The following NEDD4L variants were observed in gnomAD, a reference collection of about 807,000 sequenced individuals.
The protein encoded by NEDD4L is NEDD4 like E3 ubiquitin protein ligase.
Under a neutral mutation model 148.9 loss-of-function variants are expected in NEDD4L, and 54 were observed. That is an observed-to-expected ratio of 0.36 (90% confidence interval 0.29 to 0.45). The LOEUF (loss-of-function observed/expected upper bound fraction) is 0.45. Ranked by LOEUF, NEDD4L falls within the 20% of genes least tolerant of loss-of-function variation. The pLI, the probability that NEDD4L is intolerant of heterozygous loss-of-function variation, is 1.00. For missense variants in NEDD4L, 856 were observed against 1,233.8 expected (o/e 0.69, Z 4.59); for synonymous variants, 433 against 440.7 (o/e 0.98, Z 0.22).
intron 10 of NEDD4L, 57 bp downstream of exon 10, chr18:58,329,184 A>G: frequency 6.4e-7 from 1 of 1,570,934 alleles, no homozygotes; most frequent in Non-Finnish European, 8.7e-7. Context: ...CATGTTCTCC[A>G]GCTTGATTTT....
intron 1 of NEDD4L, among the ~76,000 whole-genome samples, chr18:58,062,853 T>C (rs2082393600): frequency 6.6e-6 from 1 of 151,946 alleles, no homozygotes. Context: ...CCGGGCCTTG[T>C]GACAGGCGCC....
intron 5 of NEDD4L, among the ~76,000 whole-genome samples, chr18:58,313,688 G>A (rs573062683): frequency 1.6e-4 from 24 of 152,334 alleles, no homozygotes; most frequent in African/African-American, 4.6e-4. Flanking sequence ...AGAACTAGAC[G>A]CAGCCTTGGC....
chr18:58,370,726 T>C (rs1393110265), intron 23 of NEDD4L, among the ~76,000 whole-genome samples: 1 of 152,250 alleles, frequency 6.6e-6, no homozygotes, highest in Non-Finnish European at 1.5e-5. Flanking sequence ...ATAGGACTTG[T>C]GTGAACTTAC....
At chr18:58,235,761 G>A (rs1440513177) in intron 2 of NEDD4L, among the ~76,000 whole-genome samples, 2 of 152,102 alleles carry the variant, frequency 1.3e-5, no homozygotes, top group African/African-American at 4.8e-5. Context: ...TTGTTTTCCA[G>A]TACAATCTGT....
intron 1 of NEDD4L, among the ~76,000 whole-genome samples, chr18:58,157,198 A>G (rs941371087): frequency 6.6e-6 from 1 of 151,924 alleles, no homozygotes; most frequent in Non-Finnish European, 1.5e-5. Context: ...AAAAAAAAAA[A>G]AAAAGAAAAA....
intron 2 of NEDD4L, among the ~76,000 whole-genome samples, chr18:58,190,294 A>G (rs1220508851): frequency 1.3e-5 from 2 of 152,174 alleles, no homozygotes; most frequent in African/African-American, 2.4e-5. Flanking sequence ...TACCTAAAGA[A>G]TTAGTTATTA....
chr18:58,344,264 A>C (rs1034099357), intron 16 of NEDD4L, among the ~76,000 whole-genome samples: 1 of 152,212 alleles, frequency 6.6e-6, no homozygotes, highest in Admixed American at 6.5e-5. Context: ...GTGTGGTATC[A>C]GTTCAGTCCA....
At chr18:58,137,927 C>A (rs905439312) in intron 1 of NEDD4L, among the ~76,000 whole-genome samples, 3 of 152,194 alleles carry the variant, frequency 2.0e-5, no homozygotes, top group Admixed American at 6.5e-5. Flanking sequence ...CCAGTTGTGT[C>A]AGCCTCTTTT....
intron 2 of NEDD4L, among the ~76,000 whole-genome samples, chr18:58,188,213 T>G (rs1364220655): frequency 6.6e-6 from 1 of 152,194 alleles, no homozygotes; most frequent in Admixed American, 6.5e-5. Flanking sequence ...TCTCCTTTCA[T>G]CAGACACCTC....
At chr18:58,243,796 A>C (rs571742604) in intron 2 of NEDD4L, among the ~76,000 whole-genome samples, 1 of 152,356 alleles carries the variant, frequency 6.6e-6, no homozygotes, top group East Asian at 1.9e-4. Flanking sequence ...GCTTACAGAA[A>C]AGAGGCAAGA....
chr18:58,325,043 A>T lies in NEDD4L; in HGVS notation c.561A>T (p.Gln187His). Residue 187 changes from glutamine to histidine, a missense_variant, in exon 9 of 31, where the codon CAA becomes CAT. Transcript: ENST00000400345. ...VDSNDSASQH[Q>H]EELPPPPLPP... ...CAAATGACTCGGCTTCTCAGCACCA[A>T]GAGGAACTTCCTCCTCCTCCTCTGC... The T allele has an allele frequency of 1.2e-6, 2 of 1,614,030 alleles. No homozygotes were observed. The highest frequency in any genetic ancestry group is 1.7e-6 in the Non-Finnish European group (2 of 1,179,892).
chr18:58,189,695 C>T (rs900288391), intron 2 of NEDD4L: 10 of 152,212 alleles, frequency 6.6e-5, no homozygotes, highest in East Asian at 1.9e-4. Flanking sequence ...CACATGAACT[C>T]GTCTGTTGTA....
In NEDD4L at chr18:58,152,749, T is replaced by C. The variant is rs187889421; in HGVS notation, c.49-13039T>C. 2.6e-5 allele frequency among the ~76,000 whole-genome samples: 4 copies of C among 152,090 alleles called. No individual in the cohort carries two copies. The East Asian group carries it at 7.7e-4, about 29-fold the overall frequency. On this transcript the variant is annotated intron_variant, in intron 1 of 30. Transcript: ENST00000400345. ...TGATGCTGATGCTGGTAGTCGGGAG[T>C]CCGTACTTTGAGAACCACTCTTCTA... is the stretch of plus-strand genomic sequence containing the variant.
At chr18:58,252,077 A>G (rs1042039349) in intron 5 of NEDD4L, 23 bp downstream of exon 5, 17 of 1,489,138 alleles carry the variant, frequency 1.1e-5, no homozygotes, top group Admixed American at 1.7e-5. Context: ...CTGTATTTGA[A>G]TTTTGCTTCA....
At chr18:58,194,050 G>A (rs1249373134) in intron 2 of NEDD4L, 1 of 152,250 alleles carries the variant, frequency 6.6e-6, no homozygotes, top group African/African-American at 2.4e-5. Context: ...GAACTTTTAC[G>A]CTCCCCGCTG....
chr18:58,380,300 A>T (rs1043775529), intron 24 of NEDD4L, among the ~76,000 whole-genome samples: 15 of 139,352 alleles, frequency 1.1e-4, no homozygotes, highest in Non-Finnish European at 2.0e-4. Context: ...TTTTTATTTT[A>T]TTTATTTATT....
At chr18:58,185,698 A>AC (rs1428232706) in intron 2 of NEDD4L, among the ~76,000 whole-genome samples, 8 of 152,126 alleles carry the variant, frequency 5.3e-5, no homozygotes, top group African/African-American at 1.9e-4. Flanking sequence ...ACATAGTGAA[A>AC]CCCCATCTCT....
At chr18:58,391,793 C>T (rs932419664) in intron 30 of NEDD4L, among the ~76,000 whole-genome samples, 7 of 152,216 alleles carry the variant, frequency 4.6e-5, no homozygotes, top group African/African-American at 1.7e-4. Flanking sequence ...GGAATTTCTC[C>T]TCTGAGCCCA....
intron 5 of NEDD4L, among the ~76,000 whole-genome samples, chr18:58,287,062 A>G (rs1600720449): frequency 6.6e-6 from 1 of 151,214 alleles, no homozygotes; most frequent in African/African-American, 2.4e-5. Context: ...TACTTGAGAA[A>G]CTAGGAGAGC....
Sources: gnomAD v4.1 joint callset for allele counts (sites outside exome capture counted in the v4.1 genomes callset) on GRCh38, gnomAD v4.1.1 for gene constraint, MANE v1.5 for transcripts, NCBI Gene and HGNC (gene_info 2026-07-23, HGNC 2026-07-21) for gene names.